CD1B: variants seen among roughly 807,000 people sequenced by gnomAD.
CD1B encodes T-cell surface glycoprotein CD1b.
In CD1B, 43 loss-of-function variants were observed where a neutral mutation model predicts 39.8. The ratio of observed to expected loss-of-function variants is 1.08; its 90% CI spans 0.85 to 1.39. The LOEUF is 1.39. CD1B is among the 40% of genes most tolerant of loss of function. CD1B has a pLI of 0.00. For synonymous variants in CD1B, 192 were observed against 152.5 expected (o/e 1.26, Z -1.91); for missense variants, 495 against 403.8 (o/e 1.23, Z -1.94).
the CD1B span, chr1:158,290,235 C>A: frequency 1.0e-6 from 1 of 953,566 alleles, no homozygotes; most frequent in Non-Finnish European, 1.6e-6. Context: ...CTGAGCATAC[C>A]TGTCTCCAGG....
chr1:158,305,132 C>G, the CD1B span, among the ~76,000 whole-genome samples: 1 of 152,042 alleles, frequency 6.6e-6, no homozygotes, highest in African/African-American at 2.4e-5. Flanking sequence ...GACGATCAAA[C>G]TACTCCGAGC....
rs1376037581 is a variant in CD1B at position 158,329,878 on chromosome 1, G to A, written c.581C>T (p.Ala194Val). 1 of 1,613,954 alleles carries A rather than the reference G, an allele frequency of 6.2e-7. No homozygotes were observed. Among genetic ancestry groups the A allele is most frequent in the East Asian group, 2.2e-5 (1 of 44,878 alleles). Residue 194 changes from alanine (A) to valine (V), a missense_variant, in exon 3 of 6, where the codon GCA becomes GTA. Coordinates refer to ENST00000368168, the MANE Select transcript of CD1B (RefSeq NM_001764.3). ...CPRYLLGVLNAGKADLQRQVK... is the reference protein window; with the variant it reads ...CPRYLLGVLNVGKADLQRQVK... ...TTGTCTTTGCAGATCTGCTTTTCCT[G>A]CATTGAGGACGCCCAAGAGATATCG... is the stretch of plus-strand genomic sequence containing the variant.
chr1:158,330,991 G>A lies in CD1B; in HGVS notation c.133C>T (p.Gln45Ter), dbSNP rs775272128. Reference sequence around the variant, plus strand: ...AAATCATCCAACCAGCCTGAGCCTTGAGTTTGTGCCCAGGTACTATTGGTA... The same window carrying A: ...AAATCATCCAACCAGCCTGAGCCTTAAGTTTGTGCCCAGGTACTATTGGTA... ...SFTNSTWAQT[Q>*]GSGWLDDLQI... Residue 45 changes from glutamine (Q) to a stop codon, truncating the protein, a stop_gained, in exon 2 of 6, where the codon CAA becomes TAA. Transcript: ENST00000368168. LOFTEE classifies it high-confidence loss of function. 2 of 1,614,110 alleles carry A rather than the reference G, an allele frequency of 1.2e-6. No homozygotes were observed. Among genetic ancestry groups the A allele is most frequent in the Admixed American group, 1.7e-5 (1 of 60,020 alleles).
At chr1:158,302,853 A>G in the CD1B span, among the ~76,000 whole-genome samples, 1,870 of 152,286 alleles carry the variant, frequency 0.012, 38 homozygotes, top group African/African-American at 0.04. Context: ...TCTAACAGGT[A>G]TATAAAGAAA....
At chr1:158,317,197 C>T in the CD1B span, among the ~76,000 whole-genome samples, 3 of 151,666 alleles carry the variant, frequency 2.0e-5, no homozygotes, top group African/African-American at 7.3e-5. Context: ...AGGGAGGATT[C>T]CCTCTTTTTC....
intron 5 of CD1B, 122 bp from the exon 6 acceptor site, chr1:158,328,379 T>A (rs966967301): frequency 4.4e-6 from 3 of 674,488 alleles, no homozygotes; most frequent in Non-Finnish European, 7.6e-6. Context: ...GATAGACGAA[T>A]GGATGAACAA....
chr1:158,299,525 CT>C, the CD1B span, among the ~76,000 whole-genome samples: 1 of 152,188 alleles, frequency 6.6e-6, no homozygotes, highest in African/African-American at 2.4e-5. Context: ...AGGATTCCCT[CT>C]TTTTCTATTG....
At chr1:158,320,703 GT>G in the CD1B span, among the ~76,000 whole-genome samples, 1 of 151,754 alleles carries the variant, frequency 6.6e-6, no homozygotes. Context: ...GTTTTTGTGT[GT>G]TGTGTTCCCA....
chr1:158,319,944 G>A, the CD1B span, among the ~76,000 whole-genome samples: 1 of 152,150 alleles, frequency 6.6e-6, no homozygotes, highest in African/African-American at 2.4e-5. Flanking sequence ...GTGTGCCCCT[G>A]CTGGGGGGTG....
At chr1:158,314,224 A>G in the CD1B span, among the ~76,000 whole-genome samples, 1 of 152,074 alleles carries the variant, frequency 6.6e-6, no homozygotes, top group Non-Finnish European at 1.5e-5. Flanking sequence ...GGCTGGAATT[A>G]CAGGGGCCTG....
chr1:158,314,192 C>A, the CD1B span, among the ~76,000 whole-genome samples: 1 of 152,158 alleles, frequency 6.6e-6, no homozygotes, highest in Admixed American at 6.5e-5. Context: ...TCAAGTGATT[C>A]TCCTGATTCA....
At chr1:158,294,734 T>C in the CD1B span, among the ~76,000 whole-genome samples, 1 of 152,358 alleles carries the variant, frequency 6.6e-6, no homozygotes, top group East Asian at 1.9e-4. Flanking sequence ...TTGTATTTTC[T>C]ATGATTTTAT....
chr1:158,291,088 C>T, the CD1B span: 1 of 1,267,816 alleles, frequency 7.9e-7, no homozygotes, highest in Non-Finnish European at 1.1e-6. Flanking sequence ...CCTTGCCTCT[C>T]TTTTTTTTTT....
the CD1B span, among the ~76,000 whole-genome samples, chr1:158,307,116 C>T: frequency 6.6e-6 from 1 of 152,004 alleles, no homozygotes. Context: ...ACACAAAAAC[C>T]CTTCAAAAAA....
the CD1B span, among the ~76,000 whole-genome samples, chr1:158,316,294 G>A: frequency 6.6e-6 from 1 of 151,994 alleles, no homozygotes; most frequent in Non-Finnish European, 1.5e-5. Context: ...CATGAGCATG[G>A]AATGTTCTTC....
downstream of CD1B, among the ~76,000 whole-genome samples, chr1:158,323,489 C>A (rs1029820471): frequency 6.6e-6 from 1 of 152,128 alleles, no homozygotes; most frequent in African/African-American, 2.4e-5. Flanking sequence ...GGGTTTGTCA[C>A]TGGCATCGTG....
rs75329562 is a variant in CD1B, at chr1:158,330,294, G to A, written c.329-164C>T. Among the ~76,000 whole-genome samples the A allele has an allele frequency of 1.7e-3, 260 of 152,256 alleles. 8 individuals are homozygous for A. The East Asian group carries it at 0.046, about 27-fold the overall frequency. Reference sequence around the variant, plus strand: ...CATTTAGACATTTTCAGAAACAAGAGCATTGAGAAAAATGTGCATGCCATG... The same window carrying A: ...CATTTAGACATTTTCAGAAACAAGAACATTGAGAAAAATGTGCATGCCATG... On this transcript the variant is annotated intron_variant, in intron 2 of 5. Coordinates refer to ENST00000368168, the MANE Select transcript of CD1B (RefSeq NM_001764.3).
the CD1B span, among the ~76,000 whole-genome samples, chr1:158,296,232 C>T: frequency 6.6e-6 from 1 of 151,966 alleles, no homozygotes; most frequent in East Asian, 1.9e-4. Flanking sequence ...ACCTTGGCCC[C>T]CTCCAGTGAA....
At chr1:158,294,784 A>G in the CD1B span, among the ~76,000 whole-genome samples, 5 of 152,090 alleles carry the variant, frequency 3.3e-5, no homozygotes, top group African/African-American at 4.8e-5. Flanking sequence ...ATTGCCTTTT[A>G]TTTTTCTTCA....
Sources: allele counts gnomAD v4.1 joint callset (sites outside exome capture counted in the v4.1 genomes callset), GRCh38; gene constraint gnomAD v4.1.1; transcripts MANE v1.5; gene names NCBI Gene and HGNC (gene_info 2026-07-23, HGNC 2026-07-21).